Variants in RGS1 observed in about 807,000 individuals in gnomAD.
The protein encoded by RGS1 is regulator of G protein signaling 1.
RGS1 carries 11 observed loss-of-function variants against 22.2 expected under a neutral mutation model. That is an observed-to-expected ratio of 0.50 (90% confidence interval 0.31 to 0.82). RGS1 has a LOEUF of 0.82. RGS1 is among the 40% of genes least tolerant of loss of function. The pLI is 0.04. For missense variants in RGS1, 255 were observed against 245.8 expected (o/e 1.04, Z -0.25); for synonymous variants, 81 against 79.9 (o/e 1.01, Z -0.07).
chr1:192,578,504 C>T, intron 4 of RGS1, 119 bp downstream of exon 4: 1 of 1,092,036 alleles, frequency 9.2e-7, no homozygotes, highest in Non-Finnish European at 1.3e-6. Context: ...CTTCTACATA[C>T]TTAGGCATAT....
Position 192,576,318 on chromosome 1 carries a change from G to A in RGS1, c.171G>A (p.Met57Ile). 6.2e-7 allele frequency: 1 copy of A among 1,611,488 alleles called. No individual in the cohort carries two copies. Among genetic ancestry groups the A allele is most frequent in the Non-Finnish European group, 8.5e-7 (1 of 1,178,220 alleles). The change falls in exon 2 of 5, where the codon ATG (methionine) becomes ATA (isoleucine). Residue 57 changes from methionine (M) to isoleucine (I), a missense_variant. Physicochemically the swap from Met to Ile is conservative, Grantham distance 10. Coordinates refer to ENST00000367459, the MANE Select transcript of RGS1 (RefSeq NM_002922.4). ...ATATGAAAGCATACCTGAGATCTATGATCCCACATCTGGAATCTGGAATGA... is the reference window on the plus strand; with the variant it reads ...ATATGAAAGCATACCTGAGATCTATAATCCCACATCTGGAATCTGGAATGA... ...GMDMKAYLRS[M>I]IPHLESGMKS...
At chr1:192,578,477 TGG>T (rs759652326) in intron 4 of RGS1, 92 bp downstream of exon 4, 1 of 1,445,654 alleles carries the variant, frequency 6.9e-7, no homozygotes, top group Non-Finnish European at 9.4e-7. Flanking sequence ...AAAATCCTTT[TGG>T]GGTATATAAT....
intron 3 of RGS1, 156 bp downstream of exon 3, chr1:192,576,991 A>G: frequency 2.0e-6 from 1 of 511,994 alleles, no homozygotes; most frequent in Non-Finnish European, 3.3e-6. Flanking sequence ...ATGCCTCTTA[A>G]TAATGCTGAC....
chr1:192,578,828 T>A, intron 4 of RGS1: 1 of 365,510 alleles, frequency 2.7e-6, no homozygotes, highest in Non-Finnish European at 4.8e-6. Flanking sequence ...CTCCTGTAAA[T>A]CTTAAATGCC....
Position 192,576,320 on chromosome 1 carries a change from T to A in RGS1, c.173T>A (p.Ile58Asn), listed in dbSNP as rs144803737. ...ATGAAAGCATACCTGAGATCTATGATCCCACATCTGGAATCTGGAATGAAA... is the reference window on the plus strand; with the variant it reads ...ATGAAAGCATACCTGAGATCTATGAACCCACATCTGGAATCTGGAATGAAA... ...MDMKAYLRSM[I>N]PHLESGMKSS... Residue 58 changes from isoleucine (I) to asparagine (N), a missense_variant, in exon 2 of 5, where the codon ATC becomes AAC. Physicochemically the swap from Ile to Asn is moderately radical, Grantham distance 149. Transcript: ENST00000367459. 151 of 1,611,468 alleles carry A rather than the reference T, an allele frequency of 9.4e-5. No individual in the cohort carries two copies. The African/African-American group carries it at 1.7e-3, about 18-fold the overall frequency.
rs977499322 is a variant in RGS1 at position 192,579,295 on chromosome 1, T to C, written c.603T>C (p.Asn201=). ...CAGATATTTACTTAAATCTTCTAAATGACCTGCAGGCTAATAGCCTAAAGT... is the reference window on the plus strand; with the variant it reads ...CAGATATTTACTTAAATCTTCTAAACGACCTGCAGGCTAATAGCCTAAAGT... ...LKSDIYLNLL[N]DLQANSLK Residue 201 remains asparagine, a synonymous_variant, in exon 5 of 5, where the codon AAT becomes AAC. Transcript: ENST00000367459. The C allele has an allele frequency of 1.9e-6, 3 of 1,612,782 alleles. No individual in the cohort carries two copies. The highest frequency in any genetic ancestry group is 2.5e-6 in the Non-Finnish European group (3 of 1,179,258).
Position 192,579,198 on chromosome 1 carries a change from C to A in RGS1, c.506C>A (p.Thr169Lys), listed in dbSNP as rs181973067. ...TAKKIKAPTP[T>K]CFDEAQKVIY... is the part of the protein sequence containing the mutation. ...AAGAAGATTAAAGCACCAACCCCCA[C>A]GTGTTTTGATGAAGCACAAAAAGTC... The change falls in exon 5 of 5, where the codon ACG becomes AAG. Residue 169 changes from threonine to lysine, a missense_variant. By Grantham distance (78) the Thr-to-Lys change is moderately conservative (BLOSUM62 -1). Coordinates refer to ENST00000367459, the MANE Select transcript of RGS1 (RefSeq NM_002922.4). 1 of 1,613,174 alleles carries A rather than the reference C, an allele frequency of 6.2e-7. No individual in the cohort carries two copies. Among genetic ancestry groups the A allele is most frequent in the Non-Finnish European group, 8.5e-7 (1 of 1,179,492 alleles).
chr1:192,578,601 C>A, intron 4 of RGS1: 1 of 611,264 alleles, frequency 1.6e-6, no homozygotes. Flanking sequence ...TTTTACAAAA[C>A]CAGCTGCCAT....
In RGS1 at chr1:192,576,845, A is replaced by G. The variant is rs1662070039; in HGVS notation, c.280+10A>G. 2 of 1,608,538 alleles carry G rather than the reference A, an allele frequency of 1.2e-6. No homozygotes were observed. The highest frequency in any genetic ancestry group is 1.7e-6 in the Non-Finnish European group (2 of 1,176,220). ...CTTCTTGCCAACCAAAGTAAGTATA[A>G]CTATTGAATGTTTCTGGGTTCAGCT... On this transcript the variant is annotated intron_variant, in intron 3 of 4. Transcript: ENST00000367459.
At position 192,579,163 on chromosome 1, in the gene RGS1, A is replaced by T; in HGVS notation, c.471A>T (p.Glu157Asp). Residue 157 changes from glutamate (E) to aspartate (D), a missense_variant, in exon 5 of 5, where the codon GAA (glutamate) becomes GAT (aspartate). Coordinates refer to ENST00000367459, the MANE Select transcript of RGS1 (RefSeq NM_002922.4). ...TCAATATTGACTTCCGCACTCGAGA[A>T]TCTACAGCCAAGAAGATTAAAGCAC... ...KQINIDFRTR[E>D]STAKKIKAPT... The T allele has an allele frequency of 6.2e-7, 1 of 1,613,034 alleles. No homozygotes were observed. Among genetic ancestry groups the T allele is most frequent in the Non-Finnish European group, 8.5e-7 (1 of 1,179,342 alleles).
intron 3 of RGS1, 21 bp downstream of exon 3, chr1:192,576,856 T>C (rs1187919029): frequency 2.5e-6 from 4 of 1,603,122 alleles, no homozygotes; most frequent in Non-Finnish European, 3.4e-6. Flanking sequence ...CTATTGAATG[T>C]TTCTGGGTTC....
At chr1:192,578,632 T>G in intron 4 of RGS1, 2 of 571,256 alleles carry the variant, frequency 3.5e-6, no homozygotes, top group Non-Finnish European at 6.1e-6. Flanking sequence ...AGGGAAGGGT[T>G]AAGGGTATTG....
At chr1:192,578,526 A>G (rs539321072) in intron 4 of RGS1, 141 bp downstream of exon 4, 1 of 885,270 alleles carries the variant, frequency 1.1e-6, no homozygotes, top group East Asian at 2.6e-5. Flanking sequence ...AATATAGTTC[A>G]GTGCAATGAG....
chr1:192,578,065 T>C, intron 3 of RGS1, 157 bp from the exon 4 acceptor site: 2 of 869,458 alleles, frequency 2.3e-6, no homozygotes, highest in Non-Finnish European at 3.4e-6. Flanking sequence ...TTCTCATCTC[T>C]ACAATCTATA....
intron 3 of RGS1, chr1:192,577,242 T>C (rs1169453433): frequency 1.9e-5 from 3 of 159,636 alleles, no homozygotes; most frequent in African/African-American, 7.2e-5. Flanking sequence ...AAATTATCTT[T>C]CATACATTCA....
At chr1:192,577,238 T>C (rs1209610975) in intron 3 of RGS1, 1 of 162,030 alleles carries the variant, frequency 6.2e-6, no homozygotes, top group Non-Finnish European at 1.3e-5. Flanking sequence ...AATTAAATTA[T>C]CTTTCATACA....
rs145482899 is a variant in RGS1, at chr1:192,576,854, T to G, written c.280+19T>G. ...AACCAAAGTAAGTATAACTATTGAA[T>G]GTTTCTGGGTTCAGCTAAATACTCT... On this transcript the variant is annotated intron_variant, in intron 3 of 4. Transcript: ENST00000367459. The G allele has an allele frequency of 6.2e-7, 1 of 1,603,642 alleles. No homozygotes were observed.
Position 192,576,861 on chromosome 1 carries a change from G to A in RGS1, c.280+26G>A. 5 of 1,594,046 alleles carry A rather than the reference G, an allele frequency of 3.1e-6. 1 individual carries two copies. The Middle Eastern group carries it at 8.3e-4, about 265-fold the overall frequency. On this transcript the variant is annotated intron_variant, in intron 3 of 4. Coordinates refer to ENST00000367459, the MANE Select transcript of RGS1 (RefSeq NM_002922.4). ...GTAAGTATAACTATTGAATGTTTCT[G>A]GGTTCAGCTAAATACTCTAAAAAAT...
In RGS1 at chr1:192,579,352, T is replaced by G; in HGVS notation, c.*30T>G. On this transcript the variant is annotated 3_prime_UTR_variant, in exon 5 of 5. Coordinates refer to ENST00000367459, the MANE Select transcript of RGS1 (RefSeq NM_002922.4). The stretch of plus-strand genomic sequence containing the variant: ...TCCCTGGCTGAAGGGAATTAACAGA[T>G]AGTATCAAGCGCAGAAGGAATGTGC... 3 of 1,605,504 alleles carry G rather than the reference T, an allele frequency of 1.9e-6. No individual in the cohort carries two copies. The South Asian group carries it at 3.3e-5, about 18-fold the overall frequency.
Sources: gnomAD v4.1 joint callset for allele counts on GRCh38, gnomAD v4.1.1 for gene constraint, MANE v1.5 for transcripts, NCBI Gene and HGNC (gene_info 2026-07-23, HGNC 2026-07-21) for gene names.